Variants in PSTPIP2 observed in about 807,000 individuals in gnomAD.
PSTPIP2 encodes the protein proline-serine-threonine phosphatase interacting protein 2, also known as proline-serine-threonine phosphatase-interacting protein 2.
In PSTPIP2, 33 loss-of-function variants were observed where a neutral mutation model predicts 63.3. The observed-to-expected ratio is 0.52, with a 90% confidence interval of 0.40 to 0.70. PSTPIP2 has a LOEUF of 0.70. Ranked by LOEUF, PSTPIP2 falls within the 30% of genes least tolerant of loss-of-function variation. The pLI is 0.00. For synonymous variants in PSTPIP2, 125 were observed against 132.7 expected (o/e 0.94, Z 0.40); for missense variants, 312 against 400.7 (o/e 0.78, Z 1.89).
At chr18:46,017,580 AT>A (rs376219855) in intron 3 of PSTPIP2, among the ~76,000 whole-genome samples, 23 of 150,158 alleles carry the variant, frequency 1.5e-4, no homozygotes, top group Admixed American at 5.3e-4. Flanking sequence ...TTAACCTCTG[AT>A]TTTTTTTTCT....
Position 45,990,647 on chromosome 18 carries a change from C to A in PSTPIP2, c.955+75G>T, listed in dbSNP as rs539409499. On this transcript the variant is annotated intron_variant, in intron 13 of 14. Transcript: ENST00000409746. Reference sequence around the variant, plus strand: ...GTTTCACCATGTTGACCAGGCTGGTCTCAAACTCCTGACCTCAAGTGATCT... The same window carrying A: ...GTTTCACCATGTTGACCAGGCTGGTATCAAACTCCTGACCTCAAGTGATCT... The A allele has an allele frequency of 4.3e-5, 57 of 1,334,494 alleles. No individual in the cohort carries two copies. The South Asian group carries it at 6.6e-4, about 15-fold the overall frequency. 82.7% of individuals were successfully genotyped at this position (1,334,494 alleles called of 1,614,324 possible). A position where few individuals can be genotyped will look rare whatever the true frequency, so the allele number is the denominator to read the frequency against.
chr18:46,067,048 G>T (rs1199853363), intron 1 of PSTPIP2, among the ~76,000 whole-genome samples: 1 of 148,416 alleles, frequency 6.7e-6, no homozygotes, highest in Non-Finnish European at 1.5e-5. Flanking sequence ...AAAAAAAGAG[G>T]TTTTTGACGA....
intron 3 of PSTPIP2, among the ~76,000 whole-genome samples, chr18:46,022,363 A>G (rs1907396967): frequency 6.6e-6 from 1 of 152,018 alleles, no homozygotes; most frequent in South Asian, 2.1e-4. Context: ...ATATGTCCCT[A>G]TTAGGGCCTC....
At chr18:46,010,356 C>T (rs974292097) in intron 5 of PSTPIP2, among the ~76,000 whole-genome samples, 4 of 152,144 alleles carry the variant, frequency 2.6e-5, no homozygotes, top group South Asian at 2.1e-4. Context: ...AGAGCTGTGC[C>T]GGGAGACCTG....
intron 1 of PSTPIP2, among the ~76,000 whole-genome samples, chr18:46,047,378 G>T (rs1360944440): frequency 6.6e-6 from 1 of 152,184 alleles, no homozygotes; most frequent in East Asian, 1.9e-4. Flanking sequence ...TTCGAGACCA[G>T]CTTGGCCAGC....
chr18:45,999,753 C>T (rs527640203), intron 6 of PSTPIP2, among the ~76,000 whole-genome samples: 1 of 152,120 alleles, frequency 6.6e-6, no homozygotes, highest in African/African-American at 2.4e-5. Flanking sequence ...GTAATAGTGG[C>T]AACCTGATCA....
intron 1 of PSTPIP2, among the ~76,000 whole-genome samples, chr18:46,071,583 A>C (rs35935345): frequency 0.58 from 88,562 of 151,930 alleles, 26,205 homozygotes; most frequent in African/African-American, 0.69. Flanking sequence ...ACAAGGCTGT[A>C]GAACAGGGAA....
intron 1 of PSTPIP2, among the ~76,000 whole-genome samples, chr18:46,050,485 C>T (rs1599741962): frequency 1.3e-5 from 2 of 151,836 alleles, no homozygotes; most frequent in East Asian, 3.9e-4. Flanking sequence ...GGTGAGAGGT[C>T]GAGGCTGAGG....
At chr18:45,987,723 T>C (rs1248088479) in intron 14 of PSTPIP2, among the ~76,000 whole-genome samples, 2 of 152,194 alleles carry the variant, frequency 1.3e-5, no homozygotes, top group African/African-American at 2.4e-5. Context: ...AATGATACTT[T>C]ATGAAGAGTT....
chr18:46,028,224 C>T (rs1425465602), intron 2 of PSTPIP2: 1 of 384,404 alleles, frequency 2.6e-6, no homozygotes, highest in Admixed American at 4.0e-5. Context: ...TCTCCTCAAA[C>T]CTAACGATGC....
At chr18:46,007,732 C>T (rs1214595267) in intron 5 of PSTPIP2, among the ~76,000 whole-genome samples, 2 of 152,212 alleles carry the variant, frequency 1.3e-5, no homozygotes, top group African/African-American at 4.8e-5. Context: ...GCTTCAAACA[C>T]CTCTCAGGTG....
chr18:46,007,754 C>T (rs1323408856), intron 5 of PSTPIP2, among the ~76,000 whole-genome samples: 2 of 152,218 alleles, frequency 1.3e-5, no homozygotes, highest in African/African-American at 4.8e-5. Flanking sequence ...CTGCAACATT[C>T]CACCACCAGC....
rs192805448 is a variant in PSTPIP2 at position 46,040,467 on chromosome 18, G to T, written c.34-420C>A. Among the ~76,000 whole-genome samples the T allele has an allele frequency of 4.9e-4, 74 of 152,284 alleles. 1 individual carries two copies. Among genetic ancestry groups the T allele is most frequent in the South Asian group, 1.7e-3 (8 of 4,830 alleles). On this transcript the variant is annotated intron_variant, in intron 1 of 14. Coordinates refer to ENST00000409746, the MANE Select transcript of PSTPIP2 (RefSeq NM_024430.4). Reference sequence around the variant, plus strand: ...ATCACAGTCATGTTGACCTTCGACAGACTGGAACCAGAAAATGGATAAGGA... The same window carrying T: ...ATCACAGTCATGTTGACCTTCGACATACTGGAACCAGAAAATGGATAAGGA...
At chr18:45,993,922 A>G in intron 9 of PSTPIP2, 1 of 519,614 alleles carries the variant, frequency 1.9e-6, no homozygotes, top group South Asian at 2.1e-5. Context: ...GCTTGGAAAT[A>G]GTTCTGAGGG....
chr18:46,006,882 A>G (rs888255461), intron 5 of PSTPIP2, among the ~76,000 whole-genome samples: 3 of 152,220 alleles, frequency 2.0e-5, no homozygotes, highest in Non-Finnish European at 4.4e-5. Context: ...TGTGAGTACT[A>G]TCACTCCCAT....
intron 1 of PSTPIP2, among the ~76,000 whole-genome samples, chr18:46,060,806 C>A (rs1460564399): frequency 1.3e-5 from 2 of 152,186 alleles, no homozygotes; most frequent in African/African-American, 4.8e-5. Context: ...ACTTGCTGAG[C>A]CCTTTGGCCT....
intron 1 of PSTPIP2, among the ~76,000 whole-genome samples, chr18:46,056,036 T>C (rs535509907): frequency 3.1e-4 from 47 of 152,312 alleles, no homozygotes; most frequent in Non-Finnish European, 4.1e-4. Flanking sequence ...ACAGCTTCTA[T>C]AGGAGCCCCA....
chr18:46,010,784 G>A (rs549289333), intron 5 of PSTPIP2: 1 of 179,636 alleles, frequency 5.6e-6, no homozygotes, highest in East Asian at 1.3e-4. Flanking sequence ...TCTTCAGGGG[G>A]AGCGGGAGTC....
At chr18:46,032,056 G>A (rs765218235) in intron 2 of PSTPIP2, among the ~76,000 whole-genome samples, 16 of 152,098 alleles carry the variant, frequency 1.1e-4, no homozygotes, top group East Asian at 1.9e-4. Flanking sequence ...CATAAATCAC[G>A]CTTGAATAAG....
Sources: allele counts gnomAD v4.1 joint callset (sites outside exome capture counted in the v4.1 genomes callset), GRCh38; gene constraint gnomAD v4.1.1; transcripts MANE v1.5; gene names NCBI Gene and HGNC (gene_info 2026-07-23, HGNC 2026-07-21).